The following ANKRD34B variants were observed in gnomAD, a reference collection of about 807,000 sequenced individuals.
The protein encoded by ANKRD34B is ankyrin repeat domain-containing protein 34B.
A neutral mutation model predicts 4.4 loss-of-function variants in ANKRD34B; 2 were observed. The observed-to-expected ratio is 0.46, with a 90% CI of 0.19 to 1.44. ANKRD34B has a LOEUF of 1.44. Ranked by LOEUF, ANKRD34B falls within the 40% of genes most tolerant of loss-of-function variation. ANKRD34B has a pLI of 0.26. For missense variants in ANKRD34B, 558 were observed against 604.7 expected, an observed-to-expected ratio of 0.92 and a Z score of 0.81; for synonymous variants, 226 against 227.1, an observed-to-expected ratio of 0.99 and a Z score of 0.05.
rs1366897081 is a variant in ANKRD34B, at chr5:80,559,660, T to G, written c.360A>C (p.Ser120=). ...CTGAATTTATAGCATAAACAAGAGC[T>G]GAGTAACTAGAATGGTCTTGCAAGC... ...DLSLQDHSSY[S]ALVYAINSED... is the part of the protein sequence containing the mutation. The change falls in exon 5 of 5, where the codon TCA becomes TCC. Residue 120 remains serine, a synonymous_variant. Transcript: ENST00000338682. The G allele has an allele frequency of 5.0e-6, 8 of 1,614,076 alleles. No homozygotes were observed. The highest frequency in any genetic ancestry group is 5.1e-6 in the Non-Finnish European group (6 of 1,180,052).
chr5:80,562,588 G>A (rs914432948), intron 4 of ANKRD34B, among the ~76,000 whole-genome samples: 6 of 152,114 alleles, frequency 3.9e-5, no homozygotes, highest in Non-Finnish European at 4.4e-5. Flanking sequence ...CAGCCCTCAG[G>A]GATAAATTGC....
chr5:80,565,144 A>G (rs761566989), intron 3 of ANKRD34B, among the ~76,000 whole-genome samples: 2 of 152,230 alleles, frequency 1.3e-5, no homozygotes, highest in Non-Finnish European at 2.9e-5. Flanking sequence ...TCAGTGCCTG[A>G]ATGGAAGAAT....
rs753685383 is a variant in ANKRD34B, at chr5:80,558,475, C to T, written c.1545G>A (p.Ter515=). The T allele has an allele frequency of 1.3e-6, 2 of 1,591,574 alleles. No individual in the cohort carries two copies. The highest frequency in any genetic ancestry group is 1.7e-6 in the Non-Finnish European group (2 of 1,161,920). Residue 515 remains the stop codon, a stop_retained_variant, in exon 5 of 5, where the codon TAG becomes TAA. Coordinates refer to ENST00000338682, the MANE Select transcript of ANKRD34B (RefSeq NM_001004441.3). ...TEQIKQLVNF[*] ...AGAAGATGTGTTTTATACCCATCTC[C>T]TAGAAGTTTACTAATTGCTTAATTT...
rs967794085 is a variant in ANKRD34B at position 80,557,921 on chromosome 5, A to G, written c.*554T>C. On this transcript the variant is annotated 3_prime_UTR_variant, in exon 5 of 5. Coordinates refer to ENST00000338682, the MANE Select transcript of ANKRD34B (RefSeq NM_001004441.3). The stretch of plus-strand genomic sequence containing the variant: ...ATTCTAATACAGTGTTTAACCTTTT[A>G]AATTTTTAATTAGAGTTTTATCTAT... The G allele has an allele frequency of 1.3e-5, 2 of 152,264 alleles. No individual in the cohort carries two copies. The highest frequency in any genetic ancestry group is 4.8e-5 in the African/African-American group (2 of 41,438). The allele number at this position is 152,264 out of a possible 1,614,324, so 9.4% of individuals were successfully genotyped here.
At chr5:80,569,514 T>C (rs1021323619) in intron 1 of ANKRD34B, among the ~76,000 whole-genome samples, 20 of 151,682 alleles carry the variant, frequency 1.3e-4, no homozygotes, top group African/African-American at 4.1e-4. Context: ...GGCTCCGCAG[T>C]CCCCAGCCCG....
intron 2 of ANKRD34B, among the ~76,000 whole-genome samples, chr5:80,568,131 A>G (rs1370318682): frequency 1.3e-5 from 2 of 152,118 alleles, no homozygotes; most frequent in Admixed American, 6.5e-5. Flanking sequence ...CCCTATACCA[A>G]TGGGTTCTTC....
intron 4 of ANKRD34B, among the ~76,000 whole-genome samples, chr5:80,561,328 T>G (rs552216792): frequency 6.6e-6 from 1 of 152,172 alleles, no homozygotes; most frequent in Admixed American, 6.5e-5. Context: ...GTTTCATTGA[T>G]TCAGTAGTTT....
At position 80,559,450 on chromosome 5, in the gene ANKRD34B, G is replaced by C; in HGVS notation, c.570C>G (p.Asp190Glu). The C allele has an allele frequency of 6.2e-7, 1 of 1,614,178 alleles. No homozygotes were observed. The highest frequency in any genetic ancestry group is 8.5e-7 in the Non-Finnish European group (1 of 1,180,038). The stretch of plus-strand genomic sequence containing the variant: ...AAAGTGGCGATGAGGCAGTTTTGAT[G>C]TCTATTTCTGAAGGAGTGGTGCAGG... ...PATCTTPSEIDIKTASSPLSH... is the reference protein window; with the variant it reads ...PATCTTPSEIEIKTASSPLSH... Residue 190 changes from aspartate (D) to glutamate (E), a missense_variant, in exon 5 of 5, where the codon GAC becomes GAG. By Grantham distance (45) the Asp-to-Glu change is conservative. Coordinates refer to ENST00000338682, the MANE Select transcript of ANKRD34B (RefSeq NM_001004441.3).
At chr5:80,569,920 G>A (rs1746707389) in intron 1 of ANKRD34B, among the ~76,000 whole-genome samples, 1 of 152,202 alleles carries the variant, frequency 6.6e-6, no homozygotes, top group Admixed American at 6.5e-5. Context: ...GGAGGCCCCT[G>A]CAGCCCGGCG....
In ANKRD34B at chr5:80,559,743, A is replaced by G. The variant is rs375779222; in HGVS notation, c.277T>C (p.Leu93=). ...ACAACTTCAGGGCCAGCTTTTTCTAAGCAAGCATGCATCAGAGCCGTTTTC... is the reference window on the plus strand; with the variant it reads ...ACAACTTCAGGGCCAGCTTTTTCTAGGCAAGCATGCATCAGAGCCGTTTTC... ...SGKTALMHAC[L]EKAGPEVVSL... Residue 93 remains leucine, a synonymous_variant, in exon 5 of 5, where the codon TTA becomes CTA. Transcript: ENST00000338682. The G allele has an allele frequency of 1.9e-6, 3 of 1,614,186 alleles. No homozygotes were observed. The highest frequency in any genetic ancestry group is 2.5e-6 in the Non-Finnish European group (3 of 1,180,034).
rs1029137297 is a variant in ANKRD34B at position 80,561,558 on chromosome 5, C to T, written c.-23-1516G>A. Reference sequence around the variant, plus strand: ...CTACAAGCTCCTGACATGTGCTGGGCACTGAGCTACAAAGATACAAGCCCT... The same window carrying T: ...CTACAAGCTCCTGACATGTGCTGGGTACTGAGCTACAAAGATACAAGCCCT... On this transcript the variant is annotated intron_variant, in intron 4 of 4. Coordinates refer to ENST00000338682, the MANE Select transcript of ANKRD34B (RefSeq NM_001004441.3). Among the ~76,000 whole-genome samples the T allele has an allele frequency of 4.6e-5, 7 of 152,134 alleles. No homozygotes were observed. The East Asian group carries it at 1.2e-3, about 25-fold the overall frequency.
At chr5:80,565,408 C>A (rs1418382473) in intron 3 of ANKRD34B, among the ~76,000 whole-genome samples, 1 of 152,218 alleles carries the variant, frequency 6.6e-6, no homozygotes, top group East Asian at 1.9e-4. Flanking sequence ...AAGCAATCCC[C>A]AAATTCAGTT....
intron 4 of ANKRD34B, among the ~76,000 whole-genome samples, chr5:80,562,800 G>A (rs113371806): frequency 0.024 from 3,692 of 152,198 alleles, 149 homozygotes; most frequent in African/African-American, 0.084. Flanking sequence ...TCTGTAATCA[G>A]TACCCGAAAT....
At chr5:80,566,347 A>G (rs866031115) in intron 3 of ANKRD34B, among the ~76,000 whole-genome samples, 6 of 152,334 alleles carry the variant, frequency 3.9e-5, no homozygotes, top group Middle Eastern at 3.4e-3. Context: ...TGTGAACAGA[A>G]CGACTGGACC....
chr5:80,560,601 C>T (rs1295058687), intron 4 of ANKRD34B, among the ~76,000 whole-genome samples: 1 of 152,080 alleles, frequency 6.6e-6, no homozygotes, highest in Non-Finnish European at 1.5e-5. Context: ...TTTGAGGTTA[C>T]AGTGAGATAT....
Position 80,559,798 on chromosome 5 carries a change from A to C in ANKRD34B, c.222T>G (p.Asn74Lys), listed in dbSNP as rs775652032. The change falls in exon 5 of 5, where the codon AAT (asparagine) becomes AAG (lysine). Residue 74 changes from asparagine to lysine, a missense_variant. By Grantham distance (94) the Asn-to-Lys change is moderately conservative. Transcript: ENST00000338682. ...AKMVKYLLEN[N>K]ADPNIQDKSG... ...ATTTGTCCTGTATGTTGGGATCGGC[A>C]TTGTTCTCTAACAGGTATTTCACCA... 6.2e-7 allele frequency: 1 copy of C among 1,614,192 alleles called. No individual in the cohort carries two copies. Among genetic ancestry groups the C allele is most frequent in the East Asian group, 2.2e-5 (1 of 44,892 alleles).
Position 80,559,038 on chromosome 5 carries a change from GAT to G in ANKRD34B, c.980_981del (p.Tyr327SerfsTer10). On this transcript the variant is annotated frameshift_variant, in exon 5 of 5. Coordinates refer to ENST00000338682, the MANE Select transcript of ANKRD34B (RefSeq NM_001004441.3). LOFTEE classifies it low-confidence loss of function (END_TRUNC). Reference protein sequence around the residue: ...MSYDEINCQSYLSEGNQQCIE... With the variant: ...MSYDEINCQSXLSEGNQQCIE... ...ATGCATTGCTGATTTCCTTCTGAAA[GAT>G]AAGATTGACAATTTATTTCATCATA... 1.2e-6 allele frequency: 2 copies of G among 1,614,238 alleles called. No individual in the cohort carries two copies. Among genetic ancestry groups the G allele is most frequent in the South Asian group, 2.2e-5 (2 of 91,090 alleles).
chr5:80,560,172 GA>G (rs530095969), intron 4 of ANKRD34B, 130 bp from the exon 5 acceptor site: 16 of 539,406 alleles, frequency 3.0e-5, no homozygotes, highest in Non-Finnish European at 4.5e-5. Context: ...AATAAATGCA[GA>G]ACAAAATAGT....
chr5:80,561,138 C>T (rs1169645411), intron 4 of ANKRD34B, among the ~76,000 whole-genome samples: 3 of 151,996 alleles, frequency 2.0e-5, no homozygotes, highest in African/African-American at 7.3e-5. Context: ...GTTATTGAAA[C>T]TAAAAAATAT....
Sources: allele counts gnomAD v4.1 joint callset (sites outside exome capture counted in the v4.1 genomes callset), GRCh38; gene constraint gnomAD v4.1.1; transcripts MANE v1.5; gene names NCBI Gene and HGNC (gene_info 2026-07-23, HGNC 2026-07-21).